The following SGCZ variants were observed in gnomAD, a reference collection of about 807,000 sequenced individuals.
SGCZ encodes the protein zeta-sarcoglycan.
A neutral mutation model predicts 41.3 loss-of-function variants in SGCZ; 40 were observed. The observed-to-expected ratio is 0.97, with a 90% confidence interval of 0.75 to 1.26. The LOEUF (loss-of-function observed/expected upper bound fraction) is 1.26, where lower values mean the gene tolerates loss of function less well. Ranked by LOEUF, SGCZ falls within the 50% of genes most tolerant of loss-of-function variation. The pLI, the probability that SGCZ is intolerant of heterozygous loss-of-function variation, is 0.00. For missense variants in SGCZ, 552 were observed against 369.8 expected, an observed-to-expected ratio of 1.49 and a Z score of -4.04; for synonymous variants, 206 against 137.5, an observed-to-expected ratio of 1.50 and a Z score of -3.49.
intron 2 of SGCZ, among the ~76,000 whole-genome samples, chr8:14,411,932 G>A (rs993279104): frequency 6.6e-6 from 1 of 152,060 alleles, no homozygotes; most frequent in Non-Finnish European, 1.5e-5. Flanking sequence ...TGCTGAAGGA[G>A]GCTGACAGGA....
chr8:14,753,123 C>T (rs1799550191), intron 1 of SGCZ, among the ~76,000 whole-genome samples: 1 of 152,160 alleles, frequency 6.6e-6, no homozygotes, highest in South Asian at 2.1e-4. Flanking sequence ...GTGGGCTAAT[C>T]TCACGTGCAT....
At chr8:15,139,543 T>C (rs1808243123) in intron 1 of SGCZ, among the ~76,000 whole-genome samples, 1 of 152,194 alleles carries the variant, frequency 6.6e-6, no homozygotes, top group Non-Finnish European at 1.5e-5. Context: ...CATGGCACTA[T>C]AAGAAACCTA....
intron 1 of SGCZ, among the ~76,000 whole-genome samples, chr8:14,949,895 C>T (rs1422109735): frequency 2.6e-5 from 4 of 151,958 alleles, no homozygotes; most frequent in South Asian, 2.1e-4. Flanking sequence ...GGCAAAAGAT[C>T]GGAAGTTAAG....
intron 4 of SGCZ, among the ~76,000 whole-genome samples, chr8:14,191,867 A>AT (rs1372909052): frequency 6.6e-6 from 1 of 152,150 alleles, no homozygotes; most frequent in African/African-American, 2.4e-5. Flanking sequence ...TGGACTCCAT[A>AT]TCCTGTAGGA....
At chr8:14,535,915 T>C (rs1171897399) in intron 2 of SGCZ, among the ~76,000 whole-genome samples, 2 of 151,806 alleles carry the variant, frequency 1.3e-5, no homozygotes, top group African/African-American at 4.8e-5. Flanking sequence ...TGAGGGTACA[T>C]GGGAACTCTA....
intron 1 of SGCZ, among the ~76,000 whole-genome samples, chr8:15,181,120 G>C (rs1019724950): frequency 1.3e-5 from 2 of 151,968 alleles, no homozygotes; most frequent in Non-Finnish European, 2.9e-5. Context: ...CTTTTAATGA[G>C]AAAAAATTAC....
intron 1 of SGCZ, among the ~76,000 whole-genome samples, chr8:14,860,017 G>C (rs1023744413): frequency 1.3e-5 from 2 of 152,092 alleles, no homozygotes; most frequent in African/African-American, 4.8e-5. Flanking sequence ...GATAAGGAAA[G>C]AATTGATAAG....
chr8:15,188,650 CT>C (rs1800427639), intron 1 of SGCZ, among the ~76,000 whole-genome samples: 1 of 152,114 alleles, frequency 6.6e-6, no homozygotes, highest in African/African-American at 2.4e-5. Flanking sequence ...ATCATTTGTA[CT>C]TAGCAGAATT....
intron 1 of SGCZ, among the ~76,000 whole-genome samples, chr8:14,695,141 G>T (rs1365186379): frequency 6.6e-6 from 1 of 151,910 alleles, no homozygotes; most frequent in Non-Finnish European, 1.5e-5. Flanking sequence ...GTCAATCTTA[G>T]TTGCAATGGG....
intron 3 of SGCZ, among the ~76,000 whole-genome samples, chr8:14,271,240 T>C (rs996536967): frequency 1.3e-4 from 20 of 152,168 alleles, no homozygotes; most frequent in African/African-American, 3.4e-4. Flanking sequence ...GACTATCTAA[T>C]AAAGGAAATC....
intron 3 of SGCZ, among the ~76,000 whole-genome samples, chr8:14,259,002 A>G (rs1405557166): frequency 6.6e-6 from 1 of 152,282 alleles, no homozygotes; most frequent in East Asian, 1.9e-4. Context: ...CACATCATAT[A>G]TTTAGCTGTG....
At chr8:14,223,298 T>A (rs1023970961) in intron 4 of SGCZ, among the ~76,000 whole-genome samples, 1 of 152,206 alleles carries the variant, frequency 6.6e-6, no homozygotes, top group Non-Finnish European at 1.5e-5. Context: ...TTTTTTCATT[T>A]AATGAGAATA....
chr8:14,534,780 C>T (rs568402577), intron 2 of SGCZ, among the ~76,000 whole-genome samples: 22 of 151,950 alleles, frequency 1.4e-4, no homozygotes, highest in Non-Finnish European at 2.6e-4. Flanking sequence ...ATCTGATGCA[C>T]ATCACGGAAT....
chr8:14,978,643 T>G (rs1275519985), intron 1 of SGCZ, among the ~76,000 whole-genome samples: 1 of 152,054 alleles, frequency 6.6e-6, no homozygotes, highest in Non-Finnish European at 1.5e-5. Context: ...CCACTAGGCC[T>G]GAAACAAGTC....
chr8:14,782,800 T>C (rs931115339), intron 1 of SGCZ, among the ~76,000 whole-genome samples: 1 of 152,210 alleles, frequency 6.6e-6, no homozygotes, highest in East Asian at 1.9e-4. Flanking sequence ...TTTAATATGA[T>C]GCATTTCACA....
chr8:14,759,473 G>A (rs146660618), intron 1 of SGCZ, among the ~76,000 whole-genome samples: 161 of 152,108 alleles, frequency 1.1e-3, no homozygotes, highest in Non-Finnish European at 1.9e-3. Context: ...GTACACTTTT[G>A]GAAAGACAAC....
intron 1 of SGCZ, among the ~76,000 whole-genome samples, chr8:15,230,751 A>T (rs1801916183): frequency 6.6e-6 from 1 of 152,198 alleles, no homozygotes. Flanking sequence ...GTATGGAGAG[A>T]TTCCTCAGAC....
At chr8:15,093,686 T>TA (rs1223622832) in intron 1 of SGCZ, among the ~76,000 whole-genome samples, 1 of 152,152 alleles carries the variant, frequency 6.6e-6, no homozygotes, top group Non-Finnish European at 1.5e-5. Flanking sequence ...TACGTCAAAG[T>TA]AAAAAAATTA....
intron 1 of SGCZ, among the ~76,000 whole-genome samples, chr8:14,963,185 C>T (rs768143943): frequency 3.3e-5 from 5 of 152,208 alleles, no homozygotes; most frequent in East Asian, 1.9e-4. Flanking sequence ...GTAACTACAT[C>T]GAACACCATA....
Sources: allele counts gnomAD v4.1 joint callset (sites outside exome capture counted in the v4.1 genomes callset), GRCh38; gene constraint gnomAD v4.1.1; transcripts MANE v1.5; gene names NCBI Gene and HGNC (gene_info 2026-07-23, HGNC 2026-07-21).